RSRC1: variants seen among roughly 807,000 people sequenced by gnomAD.
RSRC1 encodes the protein serine/Arginine-related protein 53.
RSRC1 carries 39 observed loss-of-function variants against 49.1 expected under a neutral mutation model. That is an observed-to-expected ratio of 0.79 (90% CI 0.61 to 1.04). The LOEUF (loss-of-function observed/expected upper bound fraction) is 1.04. Ranked by LOEUF, RSRC1 falls within the 50% of genes least tolerant of loss-of-function variation. The pLI is 0.00. For missense variants in RSRC1, 388 were observed against 402.4 expected (o/e 0.96, Z 0.31); for synonymous variants, 143 against 130.8 (o/e 1.09, Z -0.63).
chr3:158,175,035 C>T (rs533278905), intron 3 of RSRC1, among the ~76,000 whole-genome samples: 1 of 152,054 alleles, frequency 6.6e-6, no homozygotes, highest in South Asian at 2.1e-4. Context: ...TAGTACTATC[C>T]CTTTGGGTTT....
intron 4 of RSRC1, among the ~76,000 whole-genome samples, chr3:158,214,615 T>C (rs1721854986): frequency 6.6e-6 from 1 of 151,844 alleles, no homozygotes; most frequent in African/African-American, 2.4e-5. Context: ...CAAATTCTCA[T>C]ATGTTGTGTT....
At position 158,236,312 on chromosome 3, in the gene RSRC1, G is replaced by T. The variant is rs1408516791; in HGVS notation, c.494+33067G>T. ...TTAAAATCCAGTTTAGTGCTATTATGTGATTTTTAAAATAAAGGTACGTCT... is the reference window on the plus strand; with the variant it reads ...TTAAAATCCAGTTTAGTGCTATTATTTGATTTTTAAAATAAAGGTACGTCT... On this transcript the variant is annotated intron_variant, in intron 4 of 9. Coordinates refer to ENST00000611884, the MANE Select transcript of RSRC1 (RefSeq NM_001271838.2). Among the ~76,000 whole-genome samples, 2 of 152,226 alleles carry T rather than the reference G, an allele frequency of 1.3e-5. 1 individual carries two copies. The highest frequency in any genetic ancestry group is 6.8e-3 in the Middle Eastern group (2 of 294).
rs7637397 is a variant in RSRC1 at position 158,249,946 on chromosome 3, C to G, written c.494+46701C>G. 3.9e-3 allele frequency among the ~76,000 whole-genome samples: 594 copies of G among 152,242 alleles called. 5 individuals carry two copies. The highest frequency in any genetic ancestry group is 0.013 in the African/African-American group (558 of 41,540). On this transcript the variant is annotated intron_variant, in intron 4 of 9. Coordinates refer to ENST00000611884, the MANE Select transcript of RSRC1 (RefSeq NM_001271838.2). Reference sequence around the variant, plus strand: ...CTATATTTCTGTACCCACTAACCATCCTGACTTCCCCCACCACACCCCACT... The same window carrying G: ...CTATATTTCTGTACCCACTAACCATGCTGACTTCCCCCACCACACCCCACT...
chr3:158,258,990 A>C (rs143503310), intron 4 of RSRC1, among the ~76,000 whole-genome samples: 77 of 152,244 alleles, frequency 5.1e-4, no homozygotes, highest in Non-Finnish European at 9.4e-4. Context: ...CACCTTCCTT[A>C]CAACAGCTAT....
intron 3 of RSRC1, among the ~76,000 whole-genome samples, chr3:158,184,421 A>C (rs914714697): frequency 3.3e-5 from 5 of 152,146 alleles, no homozygotes; most frequent in African/African-American, 1.2e-4. Flanking sequence ...ATACACAATA[A>C]TACAGGGTGT....
chr3:158,236,479 C>T (rs1185362359), intron 4 of RSRC1, among the ~76,000 whole-genome samples: 2 of 152,144 alleles, frequency 1.3e-5, no homozygotes, highest in African/African-American at 2.4e-5. Flanking sequence ...AGTCCTGGCC[C>T]CCAGCATCCA....
chr3:158,170,052 T>A (rs942784596), intron 3 of RSRC1, among the ~76,000 whole-genome samples: 5 of 152,182 alleles, frequency 3.3e-5, no homozygotes, highest in African/African-American at 1.2e-4. Flanking sequence ...TATGGAATTG[T>A]CTCTTGGCAT....
chr3:158,163,908 T>C (rs566266780), intron 3 of RSRC1, among the ~76,000 whole-genome samples: 1 of 152,226 alleles, frequency 6.6e-6, no homozygotes, highest in East Asian at 1.9e-4. Flanking sequence ...AATGAATGAA[T>C]GAATGAATGT....
At chr3:158,403,365 G>A (rs375756139) in intron 6 of RSRC1, among the ~76,000 whole-genome samples, 2 of 151,636 alleles carry the variant, frequency 1.3e-5, no homozygotes, top group African/African-American at 2.4e-5. Flanking sequence ...TTCTTTTTTA[G>A]AGACACTGAA....
intron 3 of RSRC1, among the ~76,000 whole-genome samples, chr3:158,195,976 T>C (rs200750839): frequency 6.6e-6 from 1 of 152,144 alleles, no homozygotes; most frequent in East Asian, 1.9e-4. Context: ...GACTTGGCGA[T>C]GCGGGCTCTT....
intron 7 of RSRC1, among the ~76,000 whole-genome samples, chr3:158,464,185 G>T (rs1359544401): frequency 6.6e-6 from 1 of 151,954 alleles, no homozygotes; most frequent in Non-Finnish European, 1.5e-5. Flanking sequence ...TAATTAAAAA[G>T]CATTTAACTT....
intron 3 of RSRC1, among the ~76,000 whole-genome samples, chr3:158,201,479 TTAAA>T (rs1480651026): frequency 6.6e-6 from 1 of 152,154 alleles, no homozygotes; most frequent in Non-Finnish European, 1.5e-5. Flanking sequence ...ATTTCTGGGT[TTAAA>T]TAAACATGTT....
rs529375109 is a variant in RSRC1, at chr3:158,464,118, C to T, written c.652+3115C>T. On this transcript the variant is annotated intron_variant, in intron 7 of 9. Coordinates refer to ENST00000611884, the MANE Select transcript of RSRC1 (RefSeq NM_001271838.2). ...ATTCTTTGACTTAATAAATAATTGA[C>T]TTACTCTTTTTCTCTGTATGTGTTT... 3.3e-5 allele frequency among the ~76,000 whole-genome samples: 5 copies of T among 152,124 alleles called. No individual in the cohort carries two copies. The South Asian group carries it at 1.0e-3, about 32-fold the overall frequency.
intron 3 of RSRC1, among the ~76,000 whole-genome samples, chr3:158,193,736 T>C (rs909194386): frequency 6.6e-6 from 1 of 152,114 alleles, no homozygotes; most frequent in Non-Finnish European, 1.5e-5. Flanking sequence ...ATAGAAAATT[T>C]AATCAGAAAA....
chr3:158,239,988 T>G (rs554440920), intron 4 of RSRC1, among the ~76,000 whole-genome samples: 1 of 152,330 alleles, frequency 6.6e-6, no homozygotes, highest in African/African-American at 2.4e-5. Context: ...GTACTTTGAT[T>G]GGAATTACAT....
chr3:158,276,361 A>G (rs1725815753), intron 4 of RSRC1: 2 of 775,830 alleles, frequency 2.6e-6, no homozygotes, highest in African/African-American at 1.7e-5. Flanking sequence ...CTCAGAAGAA[A>G]GCGCATGATG....
intron 7 of RSRC1, among the ~76,000 whole-genome samples, chr3:158,520,524 G>A (rs1046474667): frequency 6.6e-6 from 1 of 152,142 alleles, no homozygotes; most frequent in Non-Finnish European, 1.5e-5. Flanking sequence ...TCCATTTCCT[G>A]AGTATTTGGG....
intron 7 of RSRC1, among the ~76,000 whole-genome samples, chr3:158,478,499 TCTGA>T (rs753587722): frequency 2.6e-5 from 4 of 151,916 alleles, no homozygotes; most frequent in South Asian, 2.1e-4. Flanking sequence ...AAAATGGAAT[TCTGA>T]CTATTATTCC....
intron 4 of RSRC1, among the ~76,000 whole-genome samples, chr3:158,232,790 C>T (rs1012209958): frequency 1.3e-5 from 2 of 152,022 alleles, no homozygotes; most frequent in Non-Finnish European, 2.9e-5. Flanking sequence ...TACTCATAAC[C>T]AAGTAATCAC....
Sources: gnomAD v4.1 joint callset for allele counts (sites outside exome capture counted in the v4.1 genomes callset) on GRCh38, gnomAD v4.1.1 for gene constraint, MANE v1.5 for transcripts, NCBI Gene and HGNC (gene_info 2026-07-23, HGNC 2026-07-21) for gene names.